The following BABAM2 variants were observed in gnomAD, a reference collection of about 807,000 sequenced individuals.
BABAM2 encodes the protein BRISC and BRCA1 A complex member 2.
Under a neutral mutation model 54.7 loss-of-function variants are expected in BABAM2, and 31 were observed. That is an observed-to-expected ratio of 0.57 (90% confidence interval 0.43 to 0.77). BABAM2 has a LOEUF of 0.77. BABAM2 is among the 30% of genes least tolerant of loss of function. The pLI is 0.00. For synonymous variants in BABAM2, 167 were observed against 162.9 expected (o/e 1.03, Z -0.19); for missense variants, 364 against 455.8 (o/e 0.80, Z 1.83).
chr2:28,149,614 C>T (rs925673066), intron 7 of BABAM2, among the ~76,000 whole-genome samples: 6 of 152,144 alleles, frequency 3.9e-5, no homozygotes, highest in African/African-American at 7.2e-5. Flanking sequence ...GTTTCCAGGG[C>T]CCGGTTTTCC....
At chr2:28,166,924 G>T (rs1420451654) in intron 7 of BABAM2, among the ~76,000 whole-genome samples, 1 of 152,164 alleles carries the variant, frequency 6.6e-6, no homozygotes, top group Admixed American at 6.5e-5. Context: ...ACACCCAGGG[G>T]GAGATATCCA....
chr2:28,139,919 A>G (rs1431862729), intron 7 of BABAM2, among the ~76,000 whole-genome samples: 2 of 152,146 alleles, frequency 1.3e-5, no homozygotes, highest in Non-Finnish European at 2.9e-5. Flanking sequence ...ACTTCAGTCT[A>G]GTTGCCACAT....
At chr2:27,901,460 G>A (rs1028489546) in intron 2 of BABAM2, among the ~76,000 whole-genome samples, 6 of 152,102 alleles carry the variant, frequency 3.9e-5, no homozygotes, top group African/African-American at 9.7e-5. Flanking sequence ...CATCTCATCC[G>A]CCCACAACTA....
chr2:28,151,836 A>T (rs1364292291), intron 7 of BABAM2, among the ~76,000 whole-genome samples: 1 of 152,170 alleles, frequency 6.6e-6, no homozygotes, highest in East Asian at 1.9e-4. Flanking sequence ...TCTTGGAGAG[A>T]AGAGTTTCCA....
At chr2:28,013,635 G>T (rs2148537004) in intron 4 of BABAM2, among the ~76,000 whole-genome samples, 1 of 146,420 alleles carries the variant, frequency 6.8e-6, no homozygotes, top group East Asian at 2.0e-4. Context: ...TGTAAGCCAG[G>T]GAATGGTCTG....
Position 28,304,109 on chromosome 2 carries a change from G to A in BABAM2, c.1088+5618G>A, listed in dbSNP as rs986951899. ...TTGCTTTTATCACCCAGGCTGGAGT[G>A]CAATGGCATGATCTTGGCTCACCGC... On this transcript the variant is annotated intron_variant, in intron 11 of 11. Transcript: ENST00000379624. The surrounding 1 kb of genome is among the most constrained non-coding windows in gnomAD (Gnocchi z 4.0). Among the ~76,000 whole-genome samples, 1 of 152,038 alleles carries A rather than the reference G, an allele frequency of 6.6e-6. No individual in the cohort carries two copies. Among genetic ancestry groups the A allele is most frequent in the Non-Finnish European group, 1.5e-5 (1 of 68,014 alleles).
chr2:28,105,363 CTG>C (rs1447629827), intron 6 of BABAM2, among the ~76,000 whole-genome samples: 1 of 152,126 alleles, frequency 6.6e-6, no homozygotes, highest in Non-Finnish European at 1.5e-5. Context: ...AAGATACTGA[CTG>C]TGGTATGAAG....
chr2:27,900,075 A>C (rs978072316), intron 2 of BABAM2, among the ~76,000 whole-genome samples: 1 of 152,352 alleles, frequency 6.6e-6, no homozygotes, highest in African/African-American at 2.4e-5. Context: ...GTTAGGGAAA[A>C]GAATGGCTTC....
At chr2:28,314,793 C>T (rs1031635060) in intron 11 of BABAM2, among the ~76,000 whole-genome samples, 9 of 151,082 alleles carry the variant, frequency 6.0e-5, no homozygotes, top group African/African-American at 2.2e-4. Flanking sequence ...TTTACTGGGA[C>T]CCAGGAAGCT....
At chr2:28,169,739 G>A (rs1329293872) in intron 7 of BABAM2, among the ~76,000 whole-genome samples, 2 of 147,802 alleles carry the variant, frequency 1.4e-5, no homozygotes, top group Non-Finnish European at 3.0e-5. Context: ...TTGTACCAAT[G>A]TACACCAGCT....
chr2:28,298,287 T>G, intron 10 of BABAM2, 51 bp from the exon 11 acceptor site: 1 of 1,574,332 alleles, frequency 6.4e-7, no homozygotes, highest in South Asian at 1.2e-5. Flanking sequence ...AAAAAAAATC[T>G]TAAGATGTGT....
intron 5 of BABAM2, among the ~76,000 whole-genome samples, chr2:28,026,445 A>T (rs1675670971): frequency 6.6e-6 from 1 of 151,938 alleles, no homozygotes; most frequent in South Asian, 2.1e-4. Flanking sequence ...ACATGGATGA[A>T]GCTGGAAACC....
chr2:28,150,225 G>T (rs1026986420), intron 7 of BABAM2, among the ~76,000 whole-genome samples: 1 of 152,202 alleles, frequency 6.6e-6, no homozygotes, highest in Non-Finnish European at 1.5e-5. Flanking sequence ...TCTGTCTGTA[G>T]TTCAGACAAG....
chr2:28,066,202 A>G (rs1663550134), intron 6 of BABAM2, among the ~76,000 whole-genome samples: 1 of 151,314 alleles, frequency 6.6e-6, no homozygotes, highest in Admixed American at 6.6e-5. Flanking sequence ...AAAAATAAAA[A>G]AAACAGCCAC....
intron 11 of BABAM2, among the ~76,000 whole-genome samples, chr2:28,335,859 G>A (rs1271508441): frequency 3.3e-5 from 5 of 152,196 alleles, no homozygotes; most frequent in African/African-American, 9.7e-5. Context: ...ATCCTGGACC[G>A]TGGCCAGCTC....
chr2:28,188,845 A>G (rs1676595282), intron 7 of BABAM2, among the ~76,000 whole-genome samples: 2 of 152,208 alleles, frequency 1.3e-5, no homozygotes, highest in African/African-American at 4.8e-5. Context: ...GTAAGTTAGT[A>G]TTGAACACAG....
chr2:28,023,270 T>C (rs1675405079), intron 4 of BABAM2, among the ~76,000 whole-genome samples: 1 of 152,176 alleles, frequency 6.6e-6, no homozygotes, highest in South Asian at 2.1e-4. Context: ...AATGACAGAA[T>C]TTAAAAAATA....
chr2:28,241,813 G>A (rs1056491516), intron 9 of BABAM2, among the ~76,000 whole-genome samples: 1 of 149,854 alleles, frequency 6.7e-6, no homozygotes, highest in African/African-American at 2.5e-5. Context: ...CCTTTTTAAT[G>A]CCACTTTGAT....
At chr2:28,288,414 C>A (rs922861273) in intron 10 of BABAM2, among the ~76,000 whole-genome samples, 3 of 151,676 alleles carry the variant, frequency 2.0e-5, no homozygotes, top group African/African-American at 4.8e-5. Context: ...CAACCTCCCC[C>A]TCCCCGGTTC....
Sources: gnomAD v4.1 joint callset for allele counts (sites outside exome capture counted in the v4.1 genomes callset) on GRCh38, gnomAD v4.1.1 for gene constraint, Gnocchi (gnomAD v3.1) non-coding constraint, MANE v1.5 for transcripts, NCBI Gene and HGNC (gene_info 2026-07-23, HGNC 2026-07-21) for gene names.